TNFRSF13B: variants seen among roughly 807,000 people sequenced by gnomAD.
TNFRSF13B encodes TNF receptor superfamily member 13B.
Under a neutral mutation model 24.0 loss-of-function variants are expected in TNFRSF13B, and 34 were observed. The observed-to-expected ratio is 1.41, with a 90% CI of 1.08 to 1.88. TNFRSF13B has a LOEUF of 1.88. Ranked by LOEUF, TNFRSF13B falls within the 40% of genes most tolerant of loss-of-function variation. The probability of loss-of-function intolerance (pLI) is 0.00; values close to 1 mark genes in which losing one functional copy is unlikely to be tolerated. For synonymous variants in TNFRSF13B, 173 were observed against 150.3 expected, an observed-to-expected ratio of 1.15 and a Z score of -1.10; for missense variants, 415 against 380.8, an observed-to-expected ratio of 1.09 and a Z score of -0.75.
chr17:16,961,006 C>T (rs2087658751), intron 1 of TNFRSF13B, among the ~76,000 whole-genome samples: 1 of 152,164 alleles, frequency 6.6e-6, no homozygotes, highest in Admixed American at 6.5e-5. Flanking sequence ...AAAAGATGCT[C>T]AACATCATTA....
At chr17:16,961,055 T>G (rs918760851) in intron 1 of TNFRSF13B, among the ~76,000 whole-genome samples, 2 of 152,174 alleles carry the variant, frequency 1.3e-5, no homozygotes, top group Non-Finnish European at 2.9e-5. Context: ...CAATGAGATA[T>G]CATTTCACAC....
chr17:16,949,486 T>A (rs191503369), intron 2 of TNFRSF13B, among the ~76,000 whole-genome samples: 2 of 152,260 alleles, frequency 1.3e-5, no homozygotes, highest in African/African-American at 4.8e-5. Flanking sequence ...AAAGTTCACA[T>A]GAATAGTGTT....
At position 16,948,770 on chromosome 17, in the gene TNFRSF13B, C is replaced by A; in HGVS notation, c.413G>T (p.Gly138Val). 1 of 1,614,222 alleles carries A rather than the reference C, an allele frequency of 6.2e-7. No homozygotes were observed. Among genetic ancestry groups the A allele is most frequent in the Non-Finnish European group, 8.5e-7 (1 of 1,180,048 alleles). Reference protein sequence around the residue: ...NNSDNSGRYQGLEHRGSEASP... With the variant: ...NNSDNSGRYQVLEHRGSEASP... ...TGCTTCTGAGCCTCTGTGCTCCAAT[C>A]CTTGGTACCTTCCCGAGTTGTCTGA... The change falls in exon 3 of 5, where the codon GGA (glycine) becomes GTA (valine). Residue 138 changes from glycine (G) to valine (V), a missense_variant. Transcript: ENST00000261652.
At chr17:16,947,626 T>C (rs2143654335) in intron 3 of TNFRSF13B, among the ~76,000 whole-genome samples, 1 of 152,112 alleles carries the variant, frequency 6.6e-6, no homozygotes, top group South Asian at 2.1e-4. Flanking sequence ...ATCAGAGAAA[T>C]GCAAATCAAA....
chr17:16,943,032 C>T (rs991985788), intron 3 of TNFRSF13B, among the ~76,000 whole-genome samples: 4 of 152,202 alleles, frequency 2.6e-5, no homozygotes, highest in African/African-American at 9.7e-5. Flanking sequence ...AGGGGCAAGC[C>T]CTGAGATCAG....
intron 3 of TNFRSF13B, chr17:16,941,476 C>T (rs1261467509): frequency 4.1e-6 from 4 of 987,576 alleles, no homozygotes; most frequent in East Asian, 1.1e-4. Context: ...ATCCTCTAGG[C>T]GCTGGGTGGA....
intron 3 of TNFRSF13B, among the ~76,000 whole-genome samples, chr17:16,946,568 ATTTTTATT>A (rs1365741698): frequency 6.6e-4 from 91 of 137,988 alleles, no homozygotes; most frequent in South Asian, 2.3e-3. Context: ...TATTATTTTT[ATTTTTATT>A]TTTATTTATT....
At position 16,972,010 on chromosome 17, in the gene TNFRSF13B, C is replaced by A; in HGVS notation, c.61+5G>T. The stretch of plus-strand genomic sequence containing the variant: ...GCCCTCCTGCCCTCCTGCCCGGCTA[C>A]TCACAGCGCTCCTCCTGGTCCACAC... On this transcript the variant is annotated splice_donor_5th_base_variant and intron_variant, in intron 1 of 4. Coordinates refer to ENST00000261652, the MANE Select transcript of TNFRSF13B (RefSeq NM_012452.3). The A allele has an allele frequency of 6.2e-7, 1 of 1,614,166 alleles. No homozygotes were observed. The highest frequency in any genetic ancestry group is 8.5e-7 in the Non-Finnish European group (1 of 1,180,034).
intron 2 of TNFRSF13B, among the ~76,000 whole-genome samples, chr17:16,949,985 G>A (rs1242349494): frequency 6.6e-6 from 1 of 152,016 alleles, no homozygotes; most frequent in Non-Finnish European, 1.5e-5. Context: ...CACCGCATCT[G>A]GTCTAGCCTC....
rs150068036 is a variant in TNFRSF13B, at chr17:16,939,458, CTCA to C, written c.*86_*88del. 0.039 allele frequency: 56,181 copies of C among 1,444,368 alleles called. 1,847 individuals carry two copies. The highest frequency in any genetic ancestry group is 0.19 in the East Asian group (7,703 of 39,980). 89.5% of individuals were successfully genotyped at this position (1,444,368 alleles called of 1,614,324 possible). A position where few individuals can be genotyped will look rare whatever the true frequency, so the allele number is the denominator to read the frequency against. On this transcript the variant is annotated 3_prime_UTR_variant, in exon 5 of 5. Coordinates refer to ENST00000261652, the MANE Select transcript of TNFRSF13B (RefSeq NM_012452.3). ...TCTCTGCCTCCTCTGTCTCTCTCTC[CTCA>C]TATCTCTCTCCCCTCTCCCCACCTC...
intron 1 of TNFRSF13B, among the ~76,000 whole-genome samples, chr17:16,957,825 A>G (rs2087635246): frequency 6.6e-6 from 1 of 152,240 alleles, no homozygotes; most frequent in African/African-American, 2.4e-5. Context: ...GTGCATTATC[A>G]GTAAACTTGC....
At chr17:16,947,593 C>G (rs184115405) in intron 3 of TNFRSF13B, among the ~76,000 whole-genome samples, 1 of 152,124 alleles carries the variant, frequency 6.6e-6, no homozygotes, top group Non-Finnish European at 1.5e-5. Context: ...ACAAACATGA[C>G]AAAATGCTCA....
chr17:16,971,074 G>A (rs2087740348), intron 1 of TNFRSF13B, among the ~76,000 whole-genome samples: 1 of 152,196 alleles, frequency 6.6e-6, no homozygotes, highest in Non-Finnish European at 1.5e-5. Context: ...CGGGCCGGGT[G>A]CCGTGGCTCA....
At chr17:16,941,278 G>C (rs1461781156) in intron 3 of TNFRSF13B, 2 of 987,626 alleles carry the variant, frequency 2.0e-6, no homozygotes, top group African/African-American at 3.5e-5. Flanking sequence ...GACAGGCGAC[G>C]TTACACTGAG....
In TNFRSF13B at chr17:16,939,703, C is replaced by T; in HGVS notation, c.726G>A (p.Gln242=). The change falls in exon 5 of 5, where the codon CAG becomes CAA. Residue 242 remains glutamine, a synonymous_variant. Transcript: ENST00000261652. ...GGGTCCCAGGCGTGACTGCGCTCTC[C>T]TGCGTGGGCGCCCTGCACTCAGGGA... ...FCFPECRAPT[Q]ESAVTPGTPD... 6.2e-7 allele frequency: 1 copy of T among 1,607,198 alleles called. No homozygotes were observed. The highest frequency in any genetic ancestry group is 8.5e-7 in the Non-Finnish European group (1 of 1,175,164).
intron 1 of TNFRSF13B, among the ~76,000 whole-genome samples, chr17:16,957,586 A>G (rs571781254): frequency 6.6e-6 from 1 of 152,298 alleles, no homozygotes; most frequent in East Asian, 1.9e-4. Flanking sequence ...GCCAGAGAGA[A>G]TTGTGAAAGC....
chr17:16,953,098 A>T (rs2087601609), intron 1 of TNFRSF13B, among the ~76,000 whole-genome samples: 1 of 152,112 alleles, frequency 6.6e-6, no homozygotes, highest in South Asian at 2.1e-4. Flanking sequence ...TGCTGTGGTC[A>T]CTTTCCTTCT....
At chr17:16,962,003 T>C (rs1242529049) in intron 1 of TNFRSF13B, among the ~76,000 whole-genome samples, 2 of 152,178 alleles carry the variant, frequency 1.3e-5, no homozygotes, top group African/African-American at 4.8e-5. Flanking sequence ...GGTGAAGGAC[T>C]TCCCCAGTGA....
intron 1 of TNFRSF13B, among the ~76,000 whole-genome samples, chr17:16,960,478 A>T (rs1377285821): frequency 1.3e-5 from 2 of 152,212 alleles, no homozygotes; most frequent in Admixed American, 1.3e-4. Flanking sequence ...CCGATCTTAT[A>T]TGTAGAAAAC....
Sources: allele counts gnomAD v4.1 joint callset (sites outside exome capture counted in the v4.1 genomes callset), GRCh38; gene constraint gnomAD v4.1.1; transcripts MANE v1.5; gene names NCBI Gene and HGNC (gene_info 2026-07-23, HGNC 2026-07-21).